The following SLC14A2 variants were observed in gnomAD, a reference collection of about 807,000 sequenced individuals.
The protein encoded by SLC14A2 is urea transporter 2.
In SLC14A2, 91 loss-of-function variants were observed where a neutral mutation model predicts 104.6. That is an observed-to-expected ratio of 0.87 (90% confidence interval 0.73 to 1.04). The LOEUF is 1.04. Among genes scored for constraint, SLC14A2 ranks in the 50% least tolerant of loss-of-function variants. The pLI is 0.00. For synonymous variants in SLC14A2, 476 were observed against 466.4 expected, an observed-to-expected ratio of 1.02 and a Z score of -0.27; for missense variants, 1,189 against 1,156.0, an observed-to-expected ratio of 1.03 and a Z score of -0.41.
chr18:45,226,604 G>C (rs2084120206), intron 1 of SLC14A2, among the ~76,000 whole-genome samples: 1 of 148,544 alleles, frequency 6.7e-6, no homozygotes, highest in Non-Finnish European at 1.5e-5. Context: ...TCACTCATAG[G>C]TGGGAATTGA....
At chr18:45,363,546 G>A (rs150314298) in intron 1 of SLC14A2, among the ~76,000 whole-genome samples, 18 of 152,110 alleles carry the variant, frequency 1.2e-4, no homozygotes, top group South Asian at 6.3e-4. Flanking sequence ...AATAGAGATC[G>A]GAGTCTCAGC....
intron 1 of SLC14A2, among the ~76,000 whole-genome samples, chr18:45,276,567 C>T (rs1232009693): frequency 6.6e-6 from 1 of 152,070 alleles, no homozygotes; most frequent in African/African-American, 2.4e-5. Context: ...ATAGAAAAAG[C>T]CTGCAATACT....
chr18:45,203,515 G>A, the SLC14A2 span, among the ~76,000 whole-genome samples: 1 of 152,002 alleles, frequency 6.6e-6, no homozygotes, highest in African/African-American at 2.4e-5. Flanking sequence ...CCCACCTACC[G>A]AAATAAAAAT....
chr18:45,395,487 A>G (rs1036495027), intron 1 of SLC14A2, among the ~76,000 whole-genome samples: 10 of 152,214 alleles, frequency 6.6e-5, no homozygotes, highest in South Asian at 2.1e-4. Context: ...AACAAGGTGC[A>G]TATAGTTAAC....
At chr18:45,268,431 A>C (rs944737822) in intron 1 of SLC14A2, among the ~76,000 whole-genome samples, 3 of 152,248 alleles carry the variant, frequency 2.0e-5, no homozygotes, top group Admixed American at 2.0e-4. Context: ...TACAGGATAA[A>C]TAAATGGTAC....
At chr18:45,678,776 G>A (rs1392363663) in intron 18 of SLC14A2, among the ~76,000 whole-genome samples, 199 bp from the exon 19 acceptor site, 1 of 152,150 alleles carries the variant, frequency 6.6e-6, no homozygotes, top group African/African-American at 2.4e-5. Context: ...TTCATCTGCT[G>A]TCTTTGCTGC....
chr18:45,492,230 G>A (rs1334465092), intron 2 of SLC14A2: 5 of 152,198 alleles, frequency 3.3e-5, no homozygotes. Context: ...TAACTTGCAT[G>A]GACATTTTTG....
At chr18:45,414,814 C>A (rs2086258715) in intron 1 of SLC14A2, among the ~76,000 whole-genome samples, 1 of 126,308 alleles carries the variant, frequency 7.9e-6, no homozygotes, top group African/African-American at 3.1e-5. Flanking sequence ...ACAGTTCATG[C>A]CCTCAAGGAT....
intron 2 of SLC14A2, chr18:45,485,205 CCAGT>C (rs1433496298): frequency 2.6e-5 from 4 of 152,086 alleles, no homozygotes; most frequent in Non-Finnish European, 5.9e-5. Context: ...ACATGATAGC[CCAGT>C]CAAACTGGCC....
At chr18:45,264,317 C>T (rs1187232594) in intron 1 of SLC14A2, among the ~76,000 whole-genome samples, 1 of 152,148 alleles carries the variant, frequency 6.6e-6, no homozygotes, top group African/African-American at 2.4e-5. Flanking sequence ...TTAGCTTTTT[C>T]CAACCTGACT....
chr18:45,490,389 T>C (rs2087699823), intron 2 of SLC14A2, among the ~76,000 whole-genome samples: 1 of 152,184 alleles, frequency 6.6e-6, no homozygotes, highest in Admixed American at 6.5e-5. Flanking sequence ...TCACAGAAAT[T>C]GGCTCTTCAT....
intron 2 of SLC14A2, among the ~76,000 whole-genome samples, chr18:45,560,346 G>A (rs1417313384): frequency 6.6e-6 from 1 of 152,120 alleles, no homozygotes. Flanking sequence ...CACCACAGAT[G>A]AAGACCCCAT....
At chr18:45,301,509 T>C (rs2084968608) in intron 1 of SLC14A2, among the ~76,000 whole-genome samples, 1 of 152,160 alleles carries the variant, frequency 6.6e-6, no homozygotes, top group Admixed American at 6.5e-5. Flanking sequence ...CACCTCTCTG[T>C]CTTACCCTTT....
intron 1 of SLC14A2, among the ~76,000 whole-genome samples, chr18:45,342,819 G>T (rs144107359): frequency 1.4e-3 from 219 of 152,254 alleles, no homozygotes; most frequent in African/African-American, 4.9e-3. Context: ...TCTAGTGACT[G>T]GTGATTCTCT....
chr18:45,446,893 A>G (rs1262767332), intron 1 of SLC14A2, among the ~76,000 whole-genome samples: 1 of 152,172 alleles, frequency 6.6e-6, no homozygotes, highest in African/African-American at 2.4e-5. Flanking sequence ...CAGCATTTTC[A>G]TGAGCCCTCG....
In SLC14A2 at chr18:45,682,487, A is replaced by G. The variant is rs1288763598; in HGVS notation, c.2731A>G (p.Ile911Val). The G allele has an allele frequency of 6.2e-7, 1 of 1,614,190 alleles. No individual in the cohort carries two copies. Among genetic ancestry groups the G allele is most frequent in the Admixed American group, 1.7e-5 (1 of 60,024 alleles). Reference sequence around the variant, plus strand: ...GGAGAGAAACAGAAGGGCATCAATCATAACAAAGTATCAGGCCTACGATGT... The same window carrying G: ...GGAGAGAAACAGAAGGGCATCAATCGTAACAAAGTATCAGGCCTACGATGT... Reference protein sequence around the residue: ...SQERNRRASIITKYQAYDVS With the variant: ...SQERNRRASIVTKYQAYDVS The change falls in exon 20 of 20, where the codon ATA (isoleucine) becomes GTA (valine). Residue 911 changes from isoleucine to valine, a missense_variant. Ile to Val is a conservative substitution (Grantham distance 29). Transcript: ENST00000255226.
chr18:45,344,809 A>T (rs571198210), intron 1 of SLC14A2, among the ~76,000 whole-genome samples: 1 of 152,216 alleles, frequency 6.6e-6, no homozygotes, highest in Non-Finnish European at 1.5e-5. Flanking sequence ...CACCTAATGC[A>T]TGACCCGTCA....
Position 45,268,964 on chromosome 18 carries a change from T to TTGTGTGTGTGTGTGTGTGTGTGTG in SLC14A2, c.-125+55796_-125+55797insGTGTGTGTGTGTGTGTGTGTGTGT, listed in dbSNP as rs3050837. On this transcript the variant is annotated intron_variant, in intron 1 of 20. Coordinates refer to the SLC14A2 transcript ENST00000586448. ...TGCCTCCTTTATGCTGTTGGTGTGT[T>TTGTGTGTGTGTGTGTGTGTGTGTG]TGTGTGTGTGTGTGTGTGTGTGTAC... is the stretch of plus-strand genomic sequence containing the variant. Among the ~76,000 whole-genome samples, 778 of 143,520 alleles carry TTGTGTGTGTGTGTGTGTGTGTGTG rather than the reference T, an allele frequency of 5.4e-3. 17 individuals carry two copies. Among genetic ancestry groups the TTGTGTGTGTGTGTGTGTGTGTGTG allele is most frequent in the East Asian group, 0.034 (167 of 4,890 alleles). The allele number at this position is 143,520 out of a possible 152,430, so 94.2% of individuals were successfully genotyped here. A position where few individuals can be genotyped will look rare whatever the true frequency, so the allele number is the denominator to read the frequency against.
chr18:45,523,433 G>A (rs1251205604), intron 2 of SLC14A2, among the ~76,000 whole-genome samples: 3 of 150,300 alleles, frequency 2.0e-5, no homozygotes, highest in African/African-American at 4.9e-5. Flanking sequence ...TAGCTCAAGC[G>A]ATTCTCCTGC....
Sources: gnomAD v4.1 joint callset for allele counts (sites outside exome capture counted in the v4.1 genomes callset) on GRCh38, gnomAD v4.1.1 for gene constraint, MANE v1.5 for transcripts, NCBI Gene and HGNC (gene_info 2026-07-23, HGNC 2026-07-21) for gene names.